The following EFCAB3 variants were observed in gnomAD, a reference collection of about 807,000 sequenced individuals.
EFCAB3 encodes the protein EF-hand calcium-binding domain-containing protein 3.
A neutral mutation model predicts 42.2 loss-of-function variants in EFCAB3; 36 were observed. That is an observed-to-expected ratio of 0.85 (90% CI 0.65 to 1.13). The LOEUF (loss-of-function observed/expected upper bound fraction) is 1.13. Among genes scored for constraint, EFCAB3 ranks in the 50% most tolerant of loss-of-function variants. EFCAB3 has a pLI of 0.00. For missense variants in EFCAB3, 418 were observed against 505.1 expected, an observed-to-expected ratio of 0.83 and a Z score of 1.65; for synonymous variants, 170 against 172.8, an observed-to-expected ratio of 0.98 and a Z score of 0.13.
intron 6 of EFCAB3, among the ~76,000 whole-genome samples, chr17:62,404,694 G>A (rs145816529): frequency 6.6e-6 from 1 of 152,312 alleles, no homozygotes; most frequent in East Asian, 1.9e-4. Context: ...TATTCGGGAA[G>A]CTGAAGCAGG....
chr17:62,406,755 A>C, intron 7 of EFCAB3, 82 bp downstream of exon 7: 1 of 1,460,900 alleles, frequency 6.8e-7, no homozygotes, highest in Non-Finnish European at 9.3e-7. Context: ...TAGAGCCCAA[A>C]TGGCATAAGA....
At chr17:62,395,046 A>C (rs746244884) in intron 5 of EFCAB3, 22 bp from the exon 6 acceptor site, 4 of 1,610,092 alleles carry the variant, frequency 2.5e-6, no homozygotes, top group Non-Finnish European at 3.4e-6. Context: ...TTAAAAATCT[A>C]TCTTTTGTTT....
chr17:62,388,649 G>A (rs1249209149), intron 3 of EFCAB3, among the ~76,000 whole-genome samples: 4 of 152,150 alleles, frequency 2.6e-5, no homozygotes, highest in Non-Finnish European at 2.9e-5. Flanking sequence ...GGGCCACCAA[G>A]GCCCCAGATA....
At chr17:62,384,398 G>A (rs758154379) in intron 2 of EFCAB3, among the ~76,000 whole-genome samples, 1 of 152,146 alleles carries the variant, frequency 6.6e-6, no homozygotes, top group Non-Finnish European at 1.5e-5. Flanking sequence ...CACTTTGAGA[G>A]GCTGAGGCGG....
chr17:62,380,116 C>T (rs1194298007), upstream of EFCAB3, among the ~76,000 whole-genome samples: 3 of 152,200 alleles, frequency 2.0e-5, no homozygotes, highest in Non-Finnish European at 2.9e-5. Flanking sequence ...ATTCTCCTGC[C>T]TCAGCCTCCT....
chr17:62,413,547 A>T (rs1017171119), intron 8 of EFCAB3, among the ~76,000 whole-genome samples, 185 bp from the exon 9 acceptor site: 7 of 152,294 alleles, frequency 4.6e-5, no homozygotes, highest in African/African-American at 1.7e-4. Flanking sequence ...TTTTGCACAT[A>T]TGCCAAATGC....
chr17:62,393,340 C>A (rs565063507), intron 4 of EFCAB3, among the ~76,000 whole-genome samples: 2 of 152,112 alleles, frequency 1.3e-5, no homozygotes, highest in Admixed American at 6.6e-5. Flanking sequence ...TGGCTGGGTG[C>A]TCCTGGCTGG....
At chr17:62,397,737 A>ATG in intron 6 of EFCAB3, 2 of 470,890 alleles carry the variant, frequency 4.2e-6, no homozygotes, top group East Asian at 1.1e-4. Flanking sequence ...TAAAAAGGTC[A>ATG]TGCTGGGCCG....
intron 6 of EFCAB3, among the ~76,000 whole-genome samples, chr17:62,398,767 TA>T (rs1567725460): frequency 6.6e-6 from 1 of 152,170 alleles, no homozygotes; most frequent in Non-Finnish European, 1.5e-5. Flanking sequence ...AATATGTGGA[TA>T]TTTGAATAAA....
intron 6 of EFCAB3, chr17:62,397,525 T>C (rs938550876): frequency 2.1e-5 from 12 of 565,872 alleles, no homozygotes; most frequent in African/African-American, 1.1e-4. Context: ...CTTTTGAGGG[T>C]TGCATGAGAG....
chr17:62,383,135 G>A, intron 2 of EFCAB3, 82 bp downstream of exon 2: 1 of 1,361,536 alleles, frequency 7.3e-7, no homozygotes, highest in Non-Finnish European at 1.0e-6. Context: ...ATTTTGTCTA[G>A]CAGGTTTTCC....
chr17:62,389,384 T>C (rs987330002), intron 3 of EFCAB3, among the ~76,000 whole-genome samples: 20 of 152,184 alleles, frequency 1.3e-4, no homozygotes, highest in African/African-American at 4.8e-4. Flanking sequence ...ATTCTAGGAA[T>C]TGACCAGCCC....
At chr17:62,388,878 C>CAAAG (rs2070278775) in intron 3 of EFCAB3, among the ~76,000 whole-genome samples, 1 of 152,072 alleles carries the variant, frequency 6.6e-6, no homozygotes, top group East Asian at 1.9e-4. Flanking sequence ...GTTTTATAGA[C>CAAAG]CTTTAAGGTT....
chr17:62,407,338 C>T (rs1171852963), intron 8 of EFCAB3, 126 bp downstream of exon 8: 47 of 813,890 alleles, frequency 5.8e-5, no homozygotes, highest in Non-Finnish European at 7.6e-5. Context: ...ATGCCATAAC[C>T]ATGTTCCTAA....
intron 8 of EFCAB3, among the ~76,000 whole-genome samples, chr17:62,408,396 C>T (rs966522354): frequency 1.3e-5 from 2 of 152,176 alleles, no homozygotes; most frequent in African/African-American, 4.8e-5. Flanking sequence ...CGATTCTCAA[C>T]CCAGCAGCCA....
intron 6 of EFCAB3, 36 bp downstream of exon 6, chr17:62,395,224 C>T: frequency 6.2e-7 from 1 of 1,608,516 alleles, no homozygotes; most frequent in South Asian, 1.1e-5. Context: ...ACAGCCTTCT[C>T]AGAAGCATTA....
At chr17:62,398,484 T>TA (rs1187848498) in intron 6 of EFCAB3, among the ~76,000 whole-genome samples, 5 of 117,062 alleles carry the variant, frequency 4.3e-5, no homozygotes, top group Admixed American at 4.1e-4. Flanking sequence ...ACTGTAGTGA[T>TA]AAATTTTTAT....
chr17:62,387,842 G>A (rs922197393), intron 3 of EFCAB3, among the ~76,000 whole-genome samples: 2 of 152,100 alleles, frequency 1.3e-5, no homozygotes, highest in African/African-American at 4.8e-5. Context: ...ACTAGGCGTG[G>A]GAAACAACAA....
intron 2 of EFCAB3, among the ~76,000 whole-genome samples, chr17:62,385,300 G>T (rs2070239301): frequency 6.6e-6 from 1 of 152,036 alleles, no homozygotes; most frequent in African/African-American, 2.4e-5. Context: ...AAAATTAGCT[G>T]GGTATGGTGG....
Sources: allele counts gnomAD v4.1 joint callset (sites outside exome capture counted in the v4.1 genomes callset), GRCh38; gene constraint gnomAD v4.1.1; transcripts MANE v1.5; gene names NCBI Gene and HGNC (gene_info 2026-07-23, HGNC 2026-07-21).